Variants in PCF11 observed in about 807,000 individuals in gnomAD.
PCF11 encodes pre-mRNA cleavage complex 2 protein Pcf11.
A neutral mutation model predicts 166.1 loss-of-function variants in PCF11; 19 were observed. The ratio of observed to expected loss-of-function variants is 0.11; its 90% confidence interval spans 0.08 to 0.17. PCF11 has a LOEUF of 0.17. PCF11 is among the 10% of genes least tolerant of loss of function. The pLI is 1.00. For missense variants in PCF11, 1,565 were observed against 1,855.5 expected (o/e 0.84, Z 2.88); for synonymous variants, 663 against 644.1 (o/e 1.03, Z -0.44).
chr11:83,183,359 T>A (rs562875253), intron 15 of PCF11, among the ~76,000 whole-genome samples: 1 of 152,314 alleles, frequency 6.6e-6, no homozygotes, highest in South Asian at 2.1e-4. Context: ...ACTAGTCCAC[T>A]AGGCCCAAAG....
exon 13 of PCF11, chr11:83,182,009 G>A: frequency 6.3e-7 from 1 of 1,597,510 alleles, no homozygotes; most frequent in Non-Finnish European, 8.5e-7. Context: ...GAGCAGTTGA[G>A]GTGAGAGAAG....
chr11:83,165,347 A>T (rs1002454891), intron 4 of PCF11, among the ~76,000 whole-genome samples: 2 of 152,038 alleles, frequency 1.3e-5, no homozygotes, highest in African/African-American at 2.4e-5. Flanking sequence ...AAGAGAAACA[A>T]TTTTTTTTCA....
chr11:83,176,691 T>TG (rs1860894710), intron 9 of PCF11, among the ~76,000 whole-genome samples: 4 of 118,788 alleles, frequency 3.4e-5, no homozygotes, highest in Non-Finnish European at 5.3e-5. Context: ...AGTCGGGGGG[T>TG]GGGGGGTCTG....
exon 8 of PCF11, chr11:83,169,714 G>T: frequency 6.2e-7 from 1 of 1,613,902 alleles, no homozygotes; most frequent in Non-Finnish European, 8.5e-7. Flanking sequence ...GCTTGAATCA[G>T]TATCTTTCAA....
At position 83,176,797 on chromosome 11, in the gene PCF11, T is replaced by C. The variant is rs1288098171; in HGVS notation, c.3758-288T>C. 2.0e-5 allele frequency among the ~76,000 whole-genome samples: 3 copies of C among 151,364 alleles called. No individual in the cohort carries two copies. In the East Asian group the frequency reaches 5.8e-4, roughly 29 times the overall value. ...CACATGTATACCTATGTAACAAACC[T>C]GCACGTTGTGCACATGTACCCTAGA... On this transcript the variant is annotated intron_variant, in intron 9 of 15. Coordinates refer to ENST00000298281, the Ensembl canonical transcript of PCF11.
chr11:83,157,931 G>C, intron 1 of PCF11: 1 of 354,992 alleles, frequency 2.8e-6, no homozygotes, highest in Non-Finnish European at 5.2e-6. Flanking sequence ...GGGTGGGGGA[G>C]ACTTAAAGGC....
intron 11 of PCF11, 128 bp downstream of exon 11, chr11:83,177,947 C>CTTTTTTTTTT (rs35271382): frequency 3.4e-6 from 1 of 292,872 alleles, no homozygotes; most frequent in Non-Finnish European, 6.3e-6. Flanking sequence ...TTTAGGAAGT[C>CTTTTTTTTTT]TTTTTTTTTT....
In PCF11 at chr11:83,167,565, A is replaced by G. The variant is rs1375384427; in HGVS notation, c.2092+60A>G. On this transcript the variant is annotated intron_variant, in intron 7 of 15. Coordinates refer to ENST00000298281, the Ensembl canonical transcript of PCF11. The surrounding 1 kb of genome is among the most constrained non-coding windows in gnomAD (Gnocchi z 4.2). ...AGAAGAAAATAAAGGTGGATTAAAAAAGAAACCTCTCTTATCTGATGCTGA... is the reference window on the plus strand; with the variant it reads ...AGAAGAAAATAAAGGTGGATTAAAAGAGAAACCTCTCTTATCTGATGCTGA... 1.9e-6 allele frequency: 3 copies of G among 1,568,910 alleles called. No individual in the cohort carries two copies. The highest frequency in any genetic ancestry group is 2.6e-6 in the Non-Finnish European group (3 of 1,156,542).
At chr11:83,173,534 T>G (rs1860763037) in intron 9 of PCF11, among the ~76,000 whole-genome samples, 1 of 151,092 alleles carries the variant, frequency 6.6e-6, no homozygotes, top group Non-Finnish European at 1.5e-5. Context: ...TTTTTTTTTT[T>G]TAGAGAATCA....
chr11:83,176,142 T>C (rs375946540), intron 9 of PCF11, among the ~76,000 whole-genome samples: 23 of 152,300 alleles, frequency 1.5e-4, no homozygotes, highest in African/African-American at 5.1e-4. Flanking sequence ...ACTTAGAAGA[T>C]GAGGAAGAGA....
exon 16 of PCF11, chr11:83,185,617 CTT>C (rs992509881): frequency 9.2e-5 from 14 of 152,176 alleles, no homozygotes; most frequent in African/African-American, 3.4e-4. Context: ...TTTTTAAAGA[CTT>C]TTTCAAATTG....
exon 5 of PCF11, chr11:83,166,374 C>T: frequency 2.5e-6 from 4 of 1,613,910 alleles, no homozygotes; most frequent in Non-Finnish European, 3.4e-6. Context: ...ACCAATTATA[C>T]ATTCCCCAAA....
intron 11 of PCF11, chr11:83,180,806 T>C (rs1025101740): frequency 1.6e-5 from 6 of 372,388 alleles, no homozygotes; most frequent in Non-Finnish European, 2.4e-5. Context: ...ACAGGCTCCA[T>C]CTTCCAAAAG....
intron 9 of PCF11, among the ~76,000 whole-genome samples, chr11:83,172,885 T>G (rs1860735472): frequency 6.6e-6 from 1 of 152,218 alleles, no homozygotes; most frequent in Admixed American, 6.5e-5. Context: ...CTGAAGTAAT[T>G]AGGAAATCCT....
At chr11:83,184,828 T>C in exon 16 of PCF11, 2 of 1,595,828 alleles carry the variant, frequency 1.3e-6, no homozygotes, top group Non-Finnish European at 1.7e-6. Context: ...CACCAGCTTG[T>C]ACAGAGGAAA....
chr11:83,185,085 CTTG>C (rs927067740), exon 16 of PCF11: 68 of 478,622 alleles, frequency 1.4e-4, no homozygotes, highest in Middle Eastern at 5.1e-4. Context: ...GTTTCAGGTG[CTTG>C]TTGTGTGAAA....
intron 14 of PCF11, 50 bp from the exon 15 acceptor site, chr11:83,182,988 C>G (rs1163360576): frequency 1.9e-5 from 19 of 976,766 alleles, no homozygotes; most frequent in Non-Finnish European, 3.0e-5. Context: ...ATCAGAATAG[C>G]CCATTAGAAA....
exon 1 of PCF11, chr11:83,157,475 G>T (rs1473014931): frequency 1.2e-6 from 2 of 1,612,644 alleles, no homozygotes; most frequent in South Asian, 2.2e-5. Flanking sequence ...CCGGTGCTGC[G>T]GGGGCCCGGG....
chr11:83,165,697 A>C (rs781447156), exon 5 of PCF11: 1 of 1,613,818 alleles, frequency 6.2e-7, no homozygotes, highest in South Asian at 1.1e-5. Flanking sequence ...ATGGCAGTTA[A>C]AGCTCCTCAT....
Sources: gnomAD v4.1 joint callset for allele counts (sites outside exome capture counted in the v4.1 genomes callset) on GRCh38, gnomAD v4.1.1 for gene constraint, Gnocchi (gnomAD v3.1) non-coding constraint, MANE v1.5 for transcripts, NCBI Gene and HGNC (gene_info 2026-07-23, HGNC 2026-07-21) for gene names.